The following CLMN variants were observed in gnomAD, a reference collection of about 807,000 sequenced individuals.
CLMN encodes the protein calmin.
CLMN carries 57 observed loss-of-function variants against 92.7 expected under a neutral mutation model. That is an observed-to-expected ratio of 0.61 (90% confidence interval 0.50 to 0.77). CLMN has a LOEUF of 0.77. CLMN is among the 30% of genes least tolerant of loss of function. CLMN has a pLI of 0.00. For missense variants in CLMN, 1,158 were observed against 1,237.5 expected, an observed-to-expected ratio of 0.94 and a Z score of 0.96; for synonymous variants, 466 against 470.6, an observed-to-expected ratio of 0.99 and a Z score of 0.13.
At chr14:95,270,162 G>A (rs573250487) in intron 1 of CLMN, among the ~76,000 whole-genome samples, 33 of 152,324 alleles carry the variant, frequency 2.2e-4, no homozygotes, top group African/African-American at 6.7e-4. Flanking sequence ...TGCCTGCCAA[G>A]CTATGGTCCA....
chr14:95,319,642 A>G, intron 1 of CLMN, 69 bp downstream of exon 1: 1 of 1,273,962 alleles, frequency 7.8e-7, no homozygotes, highest in Non-Finnish European at 1.1e-6. Flanking sequence ...GGGAGTTGCC[A>G]AGTGTCGGAG....
intron 6 of CLMN, among the ~76,000 whole-genome samples, chr14:95,212,737 T>C (rs1897232417): frequency 6.6e-6 from 1 of 152,118 alleles, no homozygotes; most frequent in Admixed American, 6.5e-5. Context: ...AACTGCATTT[T>C]GTGTGTACTG....
rs1376874806 is a variant in CLMN, at chr14:95,194,515, A to T, written c.2769+21T>A. 1 of 1,614,164 alleles carries T rather than the reference A, an allele frequency of 6.2e-7. No homozygotes were observed. Among genetic ancestry groups the T allele is most frequent in the South Asian group, 1.1e-5 (1 of 91,082 alleles). On this transcript the variant is annotated intron_variant, in intron 11 of 12. Coordinates refer to ENST00000298912, the MANE Select transcript of CLMN (RefSeq NM_024734.4). The surrounding 1 kb of genome is among the most constrained non-coding windows in gnomAD (Gnocchi z 4.0). ...TGATTAGCAGGGGCCGTGCGGAAAGAGAAGAAATTCACATACTAACCGATT... is the reference window on the plus strand; with the variant it reads ...TGATTAGCAGGGGCCGTGCGGAAAGTGAAGAAATTCACATACTAACCGATT...
intron 1 of CLMN, among the ~76,000 whole-genome samples, chr14:95,236,134 T>C (rs1033315371): frequency 6.6e-6 from 1 of 152,192 alleles, no homozygotes; most frequent in Non-Finnish European, 1.5e-5. Flanking sequence ...GCGCAGCTGC[T>C]CTCATGTGGT....
At chr14:95,233,840 T>C (rs1746028846) in intron 1 of CLMN, among the ~76,000 whole-genome samples, 1 of 152,226 alleles carries the variant, frequency 6.6e-6, no homozygotes, top group African/African-American at 2.4e-5. Flanking sequence ...GTTTCACTTC[T>C]GCTCTAGCCA....
intron 1 of CLMN, among the ~76,000 whole-genome samples, chr14:95,244,988 T>TACACACACAC (rs140106985): frequency 7.7e-4 from 104 of 135,924 alleles, no homozygotes; most frequent in African/African-American, 2.6e-3. Flanking sequence ...TATATGTGTA[T>TACACACACAC]ACACACACAC....
At chr14:95,219,034 G>A (rs538273216) in intron 4 of CLMN, among the ~76,000 whole-genome samples, 24 of 152,200 alleles carry the variant, frequency 1.6e-4, no homozygotes, top group Non-Finnish European at 3.1e-4. Context: ...GTGACATACA[G>A]CACGCTGTCC....
In CLMN at chr14:95,291,997, T is replaced by C. The variant is rs141259797; in HGVS notation, c.82+27714A>G. ...AGCATTTATTGAGAACTGACTGTGT[T>C]CCTGGCACTGTGCCAAGGGTTGACG... On this transcript the variant is annotated intron_variant, in intron 1 of 12. Coordinates refer to ENST00000298912, the MANE Select transcript of CLMN (RefSeq NM_024734.4). Among the ~76,000 whole-genome samples, 99 of 152,380 alleles carry C rather than the reference T, an allele frequency of 6.5e-4. No individual in the cohort carries two copies. The East Asian group carries it at 0.018, about 27-fold the overall frequency.
At chr14:95,213,489 G>T in intron 5 of CLMN, 80 bp from the exon 6 acceptor site, 1 of 1,364,874 alleles carries the variant, frequency 7.3e-7, no homozygotes, top group Admixed American at 2.4e-5. Flanking sequence ...GTGGCCATAT[G>T]GACCATGGCT....
chr14:95,230,251 GTA>G, intron 1 of CLMN, 118 bp from the exon 2 acceptor site: 1 of 926,604 alleles, frequency 1.1e-6, no homozygotes, highest in Non-Finnish European at 1.7e-6. Flanking sequence ...GGTGTCCCAT[GTA>G]AGAACAGAGG....
chr14:95,252,357 TA>T (rs1898824508), intron 1 of CLMN, among the ~76,000 whole-genome samples: 2 of 152,036 alleles, frequency 1.3e-5, no homozygotes, highest in South Asian at 4.1e-4. Context: ...GCCTTGAAGA[TA>T]AAATGAGAGC....
intron 1 of CLMN, among the ~76,000 whole-genome samples, chr14:95,273,647 G>C (rs1306466656): frequency 1.3e-5 from 2 of 152,168 alleles, no homozygotes; most frequent in Non-Finnish European, 2.9e-5. Flanking sequence ...GCAATGTCCA[G>C]GGAATTTAAT....
rs1899499007 is a variant in CLMN at position 95,267,000 on chromosome 14, ACTC to A, written c.83-36870_83-36868del. 2.0e-5 allele frequency among the ~76,000 whole-genome samples: 3 copies of A among 152,262 alleles called. No homozygotes were observed. The South Asian group carries it at 6.2e-4, about 32-fold the overall frequency. On this transcript the variant is annotated intron_variant, in intron 1 of 12. Coordinates refer to ENST00000298912, the MANE Select transcript of CLMN (RefSeq NM_024734.4). ...ACCATATGCCAAAGAATAAAGCTAG[ACTC>A]CTATTTCTGAGCATACAAAAATCAA...
chr14:95,284,548 G>C (rs973728673), intron 1 of CLMN, among the ~76,000 whole-genome samples: 2 of 152,130 alleles, frequency 1.3e-5, no homozygotes, highest in Non-Finnish European at 2.9e-5. Context: ...GCCACAGGTG[G>C]GGAGCTGCCC....
intron 10 of CLMN, among the ~76,000 whole-genome samples, chr14:95,195,036 C>T (rs1896665314): frequency 6.6e-6 from 1 of 152,210 alleles, no homozygotes; most frequent in South Asian, 2.1e-4. Flanking sequence ...GCTTGCCTCG[C>T]ACTTTTCACA....
Position 95,204,213 on chromosome 14 carries a change from A to G in CLMN, c.1136T>C (p.Phe379Ser). ...GACCTGGTCAATAATCTGGTGCATGAACTCGGTGGAGCTGTCTGACAGCGC... is the reference window on the plus strand; with the variant it reads ...GACCTGGTCAATAATCTGGTGCATGGACTCGGTGGAGCTGTCTGACAGCGC... ...SHALSDSSTE[F>S]MHQIIDQVLQ... is the part of the protein sequence containing the mutation. The change falls in exon 9 of 13, where the codon TTC becomes TCC. Residue 379 changes from phenylalanine (F) to serine (S), a missense_variant. Physicochemically the swap from Phe to Ser is radical, Grantham distance 155. Coordinates refer to ENST00000298912, the MANE Select transcript of CLMN (RefSeq NM_024734.4). 1.2e-6 allele frequency: 2 copies of G among 1,614,030 alleles called. No homozygotes were observed. Among genetic ancestry groups the G allele is most frequent in the Non-Finnish European group, 1.7e-6 (2 of 1,179,998 alleles).
chr14:95,289,848 T>A (rs1362695953), intron 1 of CLMN, among the ~76,000 whole-genome samples: 1 of 152,210 alleles, frequency 6.6e-6, no homozygotes, highest in Non-Finnish European at 1.5e-5. Flanking sequence ...TGCCTTAGCC[T>A]ACTGTGCCAG....
chr14:95,273,152 G>C (rs956277645), intron 1 of CLMN, among the ~76,000 whole-genome samples: 1 of 152,202 alleles, frequency 6.6e-6, no homozygotes, highest in African/African-American at 2.4e-5. Flanking sequence ...ATGGAAAGCA[G>C]CCCTGCAAAT....
chr14:95,289,506 T>TAAACAAAC (rs765758306), intron 1 of CLMN, among the ~76,000 whole-genome samples: 432 of 65,896 alleles, frequency 6.6e-3, no homozygotes, highest in Middle Eastern at 0.026. Flanking sequence ...AATAAATAAA[T>TAAACAAAC]AAACAAACAA....
Sources: allele counts gnomAD v4.1 joint callset (sites outside exome capture counted in the v4.1 genomes callset), GRCh38; gene constraint gnomAD v4.1.1; non-coding constraint Gnocchi (gnomAD v3.1); transcripts MANE v1.5; gene names NCBI Gene and HGNC (gene_info 2026-07-23, HGNC 2026-07-21).